The following TMC5 variants were observed in gnomAD, a reference collection of about 807,000 sequenced individuals.
The protein encoded by TMC5 is transmembrane channel-like protein 5.
A neutral mutation model predicts 110.5 loss-of-function variants in TMC5; 86 were observed. The ratio of observed to expected loss-of-function variants is 0.78; its 90% CI spans 0.65 to 0.93. TMC5 has a LOEUF of 0.93. TMC5 is among the 40% of genes least tolerant of loss of function. The pLI is 0.00. For synonymous variants in TMC5, 455 were observed against 439.5 expected (o/e 1.04, Z -0.44); for missense variants, 1,144 against 1,222.8 (o/e 0.94, Z 0.96).
intron 1 of TMC5, among the ~76,000 whole-genome samples, chr16:19,427,259 G>A (rs1967104802): frequency 6.6e-6 from 1 of 152,172 alleles, no homozygotes; most frequent in South Asian, 2.1e-4. Context: ...TTCAAGACCA[G>A]CCTGGGCAAC....
intron 11 of TMC5, among the ~76,000 whole-genome samples, chr16:19,473,706 G>A (rs536234987): frequency 2.6e-5 from 4 of 152,198 alleles, no homozygotes; most frequent in South Asian, 2.1e-4. Flanking sequence ...CTAGCCGGGC[G>A]CGATGGCTCA....
intron 5 of TMC5, among the ~76,000 whole-genome samples, chr16:19,459,461 G>A (rs1967965412): frequency 6.6e-6 from 1 of 152,068 alleles, no homozygotes; most frequent in Non-Finnish European, 1.5e-5. Flanking sequence ...GGGGTCAGGG[G>A]CAAAAGGAAG....
intron 5 of TMC5, chr16:19,456,581 A>C: frequency 6.9e-7 from 1 of 1,459,118 alleles, no homozygotes; most frequent in Non-Finnish European, 9.0e-7. Flanking sequence ...AATAATGTGA[A>C]TGGTGTATCC....
At chr16:19,456,788 A>C (rs779379286) in intron 5 of TMC5, 47 of 1,614,170 alleles carry the variant, frequency 2.9e-5, no homozygotes, top group Non-Finnish European at 3.8e-5. Flanking sequence ...CCCATCCTCA[A>C]ATCAGATTTT....
At chr16:19,432,675 G>A (rs1405481421) in intron 2 of TMC5, among the ~76,000 whole-genome samples, 1 of 152,188 alleles carries the variant, frequency 6.6e-6, no homozygotes, top group Admixed American at 6.5e-5. Context: ...TTGTTGCAGT[G>A]CAGGTGGTAT....
intron 6 of TMC5, among the ~76,000 whole-genome samples, chr16:19,462,107 G>C (rs1368060917): frequency 2.0e-5 from 3 of 152,180 alleles, no homozygotes; most frequent in Non-Finnish European, 4.4e-5. Flanking sequence ...GAGACCAACT[G>C]TGACTGTGTC....
intron 3 of TMC5, 136 bp downstream of exon 3, chr16:19,440,962 C>A: frequency 2.3e-6 from 2 of 855,660 alleles, no homozygotes; most frequent in South Asian, 1.8e-5. Context: ...TGGTGAAATG[C>A]GCATACCTAT....
intron 20 of TMC5, among the ~76,000 whole-genome samples, chr16:19,496,477 A>G (rs896948524): frequency 3.9e-5 from 6 of 152,212 alleles, no homozygotes; most frequent in Non-Finnish European, 8.8e-5. Context: ...AGCACAATTT[A>G]GGTAAGGGAT....
At chr16:19,431,324 T>C (rs961895157) in intron 2 of TMC5, among the ~76,000 whole-genome samples, 1 of 152,076 alleles carries the variant, frequency 6.6e-6, no homozygotes, top group Admixed American at 6.5e-5. Context: ...GTGGATTGCC[T>C]GAGGTCAGGA....
chr16:19,428,809 T>G (rs1347609845), intron 1 of TMC5, among the ~76,000 whole-genome samples: 1 of 151,964 alleles, frequency 6.6e-6, no homozygotes, highest in Non-Finnish European at 1.5e-5. Flanking sequence ...TGTATTTATA[T>G]TTTCCTTTTT....
intron 1 of TMC5, among the ~76,000 whole-genome samples, chr16:19,418,728 T>TG (rs1491543473): frequency 1.3e-3 from 8 of 6,096 alleles, no homozygotes; most frequent in African/African-American, 6.5e-3. Context: ...GATTTTTGTG[T>TG]TTTTTTTTTT....
chr16:19,433,802 T>G lies in TMC5; in HGVS notation c.-80+3162T>G, dbSNP rs367768089. On this transcript the variant is annotated intron_variant, in intron 2 of 21. Coordinates refer to ENST00000542583, the MANE Select transcript of TMC5 (RefSeq NM_001261841.2). Reference sequence around the variant, plus strand: ...AGGATTGCTCCTTCCTCTACCTGATTATAAGACATTTCCTATTTCTTTCTT... The same window carrying G: ...AGGATTGCTCCTTCCTCTACCTGATGATAAGACATTTCCTATTTCTTTCTT... Among the ~76,000 whole-genome samples, 28 of 151,458 alleles carry G rather than the reference T, an allele frequency of 1.8e-4. No homozygotes were observed. The East Asian group carries it at 4.1e-3, about 22-fold the overall frequency.
intron 8 of TMC5, among the ~76,000 whole-genome samples, chr16:19,464,813 C>T (rs993693445): frequency 4.0e-5 from 6 of 151,412 alleles, no homozygotes; most frequent in African/African-American, 1.5e-4. Flanking sequence ...CTTTGTCCAA[C>T]TCCCCATTTT....
At chr16:19,462,061 A>C (rs1333100800) in intron 6 of TMC5, among the ~76,000 whole-genome samples, 1 of 152,156 alleles carries the variant, frequency 6.6e-6, no homozygotes, top group Non-Finnish European at 1.5e-5. Context: ...AAAGAACCAG[A>C]ACAAAGCAGA....
At chr16:19,441,995 G>T (rs967457069) in intron 3 of TMC5, among the ~76,000 whole-genome samples, 10 of 152,096 alleles carry the variant, frequency 6.6e-5, no homozygotes, top group African/African-American at 1.9e-4. Flanking sequence ...TAGAGACAGG[G>T]TTTCTCCACG....
intron 1 of TMC5, among the ~76,000 whole-genome samples, chr16:19,428,070 TAA>T (rs1967122483): frequency 6.6e-6 from 1 of 152,168 alleles, no homozygotes; most frequent in African/African-American, 2.4e-5. Context: ...ATAGTTAGGG[TAA>T]AACTGCTGGG....
chr16:19,437,141 C>A (rs1308467521), intron 2 of TMC5, among the ~76,000 whole-genome samples: 1 of 152,194 alleles, frequency 6.6e-6, no homozygotes, highest in Admixed American at 6.5e-5. Context: ...TGCCACTGCA[C>A]TCTAGCCTGG....
intron 1 of TMC5, among the ~76,000 whole-genome samples, chr16:19,426,931 G>A (rs1260749452): frequency 6.6e-6 from 1 of 152,142 alleles, no homozygotes; most frequent in Non-Finnish European, 1.5e-5. Flanking sequence ...TTGAGGTTTA[G>A]TGAATGAAAA....
intron 4 of TMC5, among the ~76,000 whole-genome samples, chr16:19,447,627 C>A (rs1444315759): frequency 6.6e-6 from 1 of 152,072 alleles, no homozygotes; most frequent in Non-Finnish European, 1.5e-5. Flanking sequence ...CTCTTTAGTG[C>A]AGGCTGGAGT....
Sources: gnomAD v4.1 joint callset for allele counts (sites outside exome capture counted in the v4.1 genomes callset) on GRCh38, gnomAD v4.1.1 for gene constraint, MANE v1.5 for transcripts, NCBI Gene and HGNC (gene_info 2026-07-23, HGNC 2026-07-21) for gene names.